CNDP2: variants seen among roughly 807,000 people sequenced by gnomAD.
The protein encoded by CNDP2 is carnosine dipeptidase 2.
In CNDP2, 38 loss-of-function variants were observed where a neutral mutation model predicts 55.0. That is an observed-to-expected ratio of 0.69 (90% confidence interval 0.53 to 0.90). CNDP2 has a LOEUF of 0.90. Among genes scored for constraint, CNDP2 ranks in the 40% least tolerant of loss-of-function variants. The pLI, the probability that CNDP2 is intolerant of heterozygous loss-of-function variation, is 0.00. For synonymous variants in CNDP2, 241 were observed against 260.2 expected (o/e 0.93, Z 0.71); for missense variants, 607 against 621.7 (o/e 0.98, Z 0.25).
At chr18:74,514,120 C>T (rs1276373111) in intron 8 of CNDP2, among the ~76,000 whole-genome samples, 2 of 152,218 alleles carry the variant, frequency 1.3e-5, no homozygotes, top group Non-Finnish European at 2.9e-5. Flanking sequence ...TGACTTTTCT[C>T]TTAATAGGCT....
chr18:74,501,132 T>C, intron 2 of CNDP2, 197 bp from the exon 3 acceptor site: 1 of 1,179,890 alleles, frequency 8.5e-7, no homozygotes, highest in Non-Finnish European at 1.1e-6. Context: ...TGAGAGGGTC[T>C]CTCTCTTCCC....
At chr18:74,509,344 G>C (rs193198826) in intron 5 of CNDP2, 1 of 163,254 alleles carries the variant, frequency 6.1e-6, no homozygotes, top group East Asian at 1.7e-4. Context: ...GTATTCTCTG[G>C]CTGGGTGCAG....
At chr18:74,518,421 C>A in intron 9 of CNDP2, 78 bp from the exon 10 acceptor site, 1 of 1,554,208 alleles carries the variant, frequency 6.4e-7, no homozygotes, top group Admixed American at 1.7e-5. Flanking sequence ...CCCATGATAG[C>A]AGACCCGTAG....
intron 8 of CNDP2, among the ~76,000 whole-genome samples, chr18:74,514,966 G>T (rs767774046): frequency 2.6e-5 from 4 of 152,222 alleles, no homozygotes; most frequent in African/African-American, 4.8e-5. Context: ...GCCTGCACGA[G>T]GGGAGGGTCA....
rs1242050485 is a variant in CNDP2, at chr18:74,514,534, GGCT to G, written c.903+816_903+818del. Among the ~76,000 whole-genome samples, 176 of 140,394 alleles carry G rather than the reference GGCT, an allele frequency of 1.3e-3. 1 individual carries two copies. The highest frequency in any genetic ancestry group is 4.3e-3 in the African/African-American group (165 of 38,106). 92.1% of individuals were successfully genotyped at this position (140,394 alleles called of 152,430 possible). On this transcript the variant is annotated intron_variant, in intron 8 of 11. Coordinates refer to ENST00000324262, the MANE Select transcript of CNDP2 (RefSeq NM_018235.3). ...ACGTGGTACGTATGTAAGTTCTGCA[GGCT>G]ATAGGTTTATGTGGTATGGATGTAA...
Position 74,510,879 on chromosome 18 carries a change from G to A in CNDP2, c.523G>A (p.Glu175Lys), listed in dbSNP as rs1477533187. 1.5e-5 allele frequency: 24 copies of A among 1,614,086 alleles called. No individual in the cohort carries two copies. In the Admixed American group the frequency reaches 2.0e-4, roughly 13 times the overall value. Residue 175 changes from glutamate to lysine, a missense_variant, in exon 6 of 12, where the codon GAG (glutamate) becomes AAG (lysine). Transcript: ENST00000324262. Reference sequence around the variant, plus strand: ...GGAGTCAGGCTCTGAGGGCCTAGACGAGCTGATTTTTGCCCGGAAAGACAC... The same window carrying A: ...GGAGTCAGGCTCTGAGGGCCTAGACAAGCTGATTTTTGCCCGGAAAGACAC... The part of the protein sequence containing the change: ...MEESGSEGLD[E>K]LIFARKDTFF...
intron 6 of CNDP2, 121 bp from the exon 7 acceptor site, chr18:74,512,324 GGGA>G: frequency 1.2e-6 from 1 of 824,166 alleles, no homozygotes; most frequent in Non-Finnish European, 1.9e-6. Flanking sequence ...TGCTCCCTGA[GGGA>G]GCAAATTTTG....
rs1482989810 is a variant in CNDP2, at chr18:74,501,412, T to C, written c.144T>C (p.Ala48=). The C allele has an allele frequency of 6.2e-7, 1 of 1,614,164 alleles. No individual in the cohort carries two copies. Among genetic ancestry groups the C allele is most frequent in the East Asian group, 2.2e-5 (1 of 44,886 alleles). ...AAATCAGGAGGATGATGGAAGTTGC[T>C]GCTGCAGATGTTAAGCAGTTGGGGG... The part of the protein sequence containing the change: ...RGEIRRMMEV[A]AADVKQLGGS... Residue 48 remains alanine (A), a synonymous_variant, in exon 3 of 12, where the codon GCT becomes GCC. Coordinates refer to ENST00000324262, the MANE Select transcript of CNDP2 (RefSeq NM_018235.3).
chr18:74,514,384 C>T (rs1285590947), intron 8 of CNDP2, among the ~76,000 whole-genome samples: 3 of 151,898 alleles, frequency 2.0e-5, no homozygotes, highest in Non-Finnish European at 4.4e-5. Flanking sequence ...GTAAGTTCTG[C>T]AGGCTGTGGG....
intron 8 of CNDP2, among the ~76,000 whole-genome samples, chr18:74,516,020 T>C (rs1308054265): frequency 1.3e-5 from 2 of 152,166 alleles, no homozygotes; most frequent in Non-Finnish European, 2.9e-5. Flanking sequence ...CACCTGAGGG[T>C]GTGCAGCCTG....
chr18:74,513,503 A>G lies in CNDP2; in HGVS notation c.743-56A>G, dbSNP rs1979471435. ...TCCTGGGGTCGGTGCAGGAAAGAGC[A>G]GCTCGCCTTGGTGCGGCCTCCCCTG... On this transcript the variant is annotated intron_variant, in intron 7 of 11. Coordinates refer to ENST00000324262, the MANE Select transcript of CNDP2 (RefSeq NM_018235.3). The G allele has an allele frequency of 1.0e-5, 16 of 1,537,612 alleles. No individual in the cohort carries two copies. In the South Asian group the frequency reaches 1.6e-4, roughly 16 times the overall value.
intron 4 of CNDP2, 46 bp from the exon 5 acceptor site, chr18:74,508,794 G>C: frequency 6.6e-7 from 1 of 1,523,438 alleles, no homozygotes; most frequent in African/African-American, 1.4e-5. Flanking sequence ...CTGCTTCTGG[G>C]TTCCTTGTAA....
chr18:74,516,421 G>T (rs1241959495), intron 9 of CNDP2, 29 bp downstream of exon 9: 1 of 1,584,256 alleles, frequency 6.3e-7, no homozygotes. Context: ...CGGGGTGGGG[G>T]CCAAGAGCTA....
intron 8 of CNDP2, among the ~76,000 whole-genome samples, chr18:74,515,096 A>G (rs1979592229): frequency 6.6e-6 from 1 of 152,188 alleles, no homozygotes; most frequent in Admixed American, 6.5e-5. Flanking sequence ...ACAGATGGGC[A>G]GCAGGGTGAG....
chr18:74,510,956 AAAG>A lies in CNDP2; in HGVS notation c.607_609del (p.Lys203del). 1 of 1,614,066 alleles carries A rather than the reference AAAG, an allele frequency of 6.2e-7. No individual in the cohort carries two copies. The highest frequency in any genetic ancestry group is 8.5e-7 in the Non-Finnish European group (1 of 1,180,022). On this transcript the variant is annotated inframe_deletion, in exon 6 of 12. Transcript: ENST00000324262. ...GCATTTCTGACAATTACTGGCTGGG[AAAG>A]AAGAAGCCCTGCATCACCTACGGCC...
chr18:74,523,380 C>T lies in CNDP2; in HGVS notation c.*3312C>T, dbSNP rs991826200. On this transcript the variant is annotated 3_prime_UTR_variant, in exon 12 of 12. Transcript: ENST00000324262. ...TGCAAAGTATGAAGAACGGTTCCCA[C>T]TCATGCATGGAGCTGGATCTTCTCA... 1 of 152,178 alleles carries T rather than the reference C, an allele frequency of 6.6e-6. No individual in the cohort carries two copies. Among genetic ancestry groups the T allele is most frequent in the African/African-American group, 2.4e-5 (1 of 41,436 alleles). 9.4% of individuals were successfully genotyped at this position (152,178 alleles called of 1,614,324 possible).
Position 74,516,297 on chromosome 18 carries a change from G to A in CNDP2, c.973G>A (p.Gly325Arg). 1.2e-6 allele frequency: 2 copies of A among 1,614,158 alleles called. No individual in the cohort carries two copies. The change falls in exon 9 of 12, where the codon GGG (glycine) becomes AGG (arginine). Residue 325 changes from glycine (G) to arginine (R), a missense_variant. Transcript: ENST00000324262. The stretch of plus-strand genomic sequence containing the variant: ...CCATGGCATCGAAGGCGCCTTCTCT[G>A]GGTCTGGGGCCAAGACCGTGATTCC... The part of the protein sequence containing the change: ...SLHGIEGAFS[G>R]SGAKTVIPRK...
intron 5 of CNDP2, among the ~76,000 whole-genome samples, chr18:74,509,805 A>G (rs1979239251): frequency 6.6e-6 from 1 of 152,236 alleles, no homozygotes; most frequent in African/African-American, 2.4e-5. Context: ...ATCATGCTGT[A>G]TAGACATCTT....
Position 74,511,655 on chromosome 18 carries a change from T to C in CNDP2, c.657+642T>C, listed in dbSNP as rs1270162738. ...CCCGGGAGGTGGAGGTTGTAGTGAGTGGAGATTGCACCATTGCACTCCAGC... is the reference window on the plus strand; with the variant it reads ...CCCGGGAGGTGGAGGTTGTAGTGAGCGGAGATTGCACCATTGCACTCCAGC... On this transcript the variant is annotated intron_variant, in intron 6 of 11. Coordinates refer to ENST00000324262, the MANE Select transcript of CNDP2 (RefSeq NM_018235.3). Among the ~76,000 whole-genome samples the C allele has an allele frequency of 2.7e-5, 4 of 145,478 alleles. No homozygotes were observed. In the Admixed American group the frequency reaches 2.9e-4, roughly 10 times the overall value.
Sources: gnomAD v4.1 joint callset for allele counts (sites outside exome capture counted in the v4.1 genomes callset) on GRCh38, gnomAD v4.1.1 for gene constraint, MANE v1.5 for transcripts, NCBI Gene and HGNC (gene_info 2026-07-23, HGNC 2026-07-21) for gene names.